The following EEFSEC variants were observed in gnomAD, a reference collection of about 807,000 sequenced individuals.
EEFSEC encodes the protein selenocysteine-specific elongation factor.
Under a neutral mutation model 42.1 loss-of-function variants are expected in EEFSEC, and 43 were observed. The ratio of observed to expected loss-of-function variants is 1.02; its 90% CI spans 0.80 to 1.32. The LOEUF (loss-of-function observed/expected upper bound fraction) is 1.32, where lower values mean the gene tolerates loss of function less well. Among genes scored for constraint, EEFSEC ranks in the 40% most tolerant of loss-of-function variants. EEFSEC has a pLI of 0.00. For missense variants in EEFSEC, 745 were observed against 803.6 expected, an observed-to-expected ratio of 0.93 and a Z score of 0.88; for synonymous variants, 354 against 339.1, an observed-to-expected ratio of 1.04 and a Z score of -0.48.
At chr3:128,224,072 C>A (rs184531245) in intron 1 of EEFSEC, among the ~76,000 whole-genome samples, 2 of 151,682 alleles carry the variant, frequency 1.3e-5, no homozygotes, top group Non-Finnish European at 2.9e-5. Flanking sequence ...TTGTGCAGGT[C>A]TACAGTTTTT....
At chr3:128,369,156 C>T (rs972162831) in intron 6 of EEFSEC, among the ~76,000 whole-genome samples, 4 of 152,164 alleles carry the variant, frequency 2.6e-5, no homozygotes, top group African/African-American at 9.7e-5. Flanking sequence ...CCCTGAAGTT[C>T]CCAATGGAAG....
intron 1 of EEFSEC, among the ~76,000 whole-genome samples, chr3:128,238,548 C>G (rs1491001814): frequency 6.6e-6 from 1 of 152,160 alleles, no homozygotes; most frequent in African/African-American, 2.4e-5. Context: ...TGCTCTGTCG[C>G]CCAGGCCAGA....
Position 128,388,451 on chromosome 3 carries a change from C to T in EEFSEC, c.1601-19618C>T, listed in dbSNP as rs547434057. Among the ~76,000 whole-genome samples, 175 of 152,354 alleles carry T rather than the reference C, an allele frequency of 1.1e-3. 3 individuals are homozygous for T. Among genetic ancestry groups the T allele is most frequent in the Non-Finnish European group, 8.7e-4 (59 of 68,030 alleles). On this transcript the variant is annotated intron_variant, in intron 6 of 6. Transcript: ENST00000254730. ...GCCATGAGTCCGCAGCCACCAGCAG[C>T]GGGCTTGGCCAGGGTCCACGCTCTG...
At chr3:128,300,034 A>T (rs1475565290) in intron 4 of EEFSEC, among the ~76,000 whole-genome samples, 1 of 152,052 alleles carries the variant, frequency 6.6e-6, no homozygotes, top group Non-Finnish European at 1.5e-5. Flanking sequence ...TTTCTTCCCC[A>T]GGTGATGTTC....
At chr3:128,322,589 G>T (rs1211436767) in intron 4 of EEFSEC, among the ~76,000 whole-genome samples, 1 of 152,224 alleles carries the variant, frequency 6.6e-6, no homozygotes, top group East Asian at 1.9e-4. Flanking sequence ...GCCCACCTTA[G>T]CCCAAAGTCC....
downstream of EEFSEC, among the ~76,000 whole-genome samples, chr3:128,411,713 C>G (rs186511869): frequency 1.6e-3 from 244 of 152,366 alleles, 1 homozygote; most frequent in Non-Finnish European, 6.3e-4. Flanking sequence ...TAAGGCTTAT[C>G]TGGAAATGTC....
chr3:128,408,129 CTGGCCG>C lies in EEFSEC; in HGVS notation c.1665_1670del (p.Arg556_Gly557del), dbSNP rs2068141766. On this transcript the variant is annotated inframe_deletion, in exon 7 of 7. Transcript: ENST00000254730. ...CCCGCCCTCAAGAAGCGGGCCCGGG[CTGGCCG>C]TGGGGAGGCCACCAGGCAGGAGGAG... 2 of 1,610,620 alleles carry C rather than the reference CTGGCCG, an allele frequency of 1.2e-6. No homozygotes were observed. Among genetic ancestry groups the C allele is most frequent in the African/African-American group, 2.7e-5 (2 of 74,914 alleles).
At chr3:128,403,914 G>A (rs1026643793) in intron 6 of EEFSEC, among the ~76,000 whole-genome samples, 7 of 152,240 alleles carry the variant, frequency 4.6e-5, no homozygotes, top group Non-Finnish European at 1.0e-4. Flanking sequence ...CTTGTTCACT[G>A]TCTGTGCCTT....
intron 1 of EEFSEC, among the ~76,000 whole-genome samples, chr3:128,165,429 G>C (rs1172454538): frequency 6.6e-6 from 1 of 152,132 alleles, no homozygotes. Context: ...TTTGTTAATT[G>C]GGTCTTTTAT....
chr3:128,233,300 G>C (rs2065977094), intron 1 of EEFSEC, among the ~76,000 whole-genome samples: 1 of 152,224 alleles, frequency 6.6e-6, no homozygotes, highest in Admixed American at 6.5e-5. Context: ...GTCATGTAAA[G>C]TTGTTTTTAA....
intron 1 of EEFSEC, among the ~76,000 whole-genome samples, chr3:128,181,768 G>A (rs2065408257): frequency 6.6e-6 from 1 of 152,170 alleles, no homozygotes; most frequent in African/African-American, 2.4e-5. Context: ...CAGGGTTAAT[G>A]TTGTCAAGCC....
intron 2 of EEFSEC, among the ~76,000 whole-genome samples, chr3:128,249,452 A>G (rs1440884743): frequency 2.0e-5 from 3 of 151,984 alleles, no homozygotes; most frequent in African/African-American, 4.8e-5. Context: ...AATGTTTATC[A>G]TTTTAGCCAC....
At chr3:128,358,415 G>A (rs959859674) in intron 6 of EEFSEC, 42 bp downstream of exon 6, 7 of 1,604,820 alleles carry the variant, frequency 4.4e-6, no homozygotes, top group Non-Finnish European at 6.0e-6. Context: ...ACACCGTGCA[G>A]GGCACAGAGA....
At chr3:128,199,650 G>C (rs2065622392) in intron 1 of EEFSEC, among the ~76,000 whole-genome samples, 1 of 152,192 alleles carries the variant, frequency 6.6e-6, no homozygotes, top group Non-Finnish European at 1.5e-5. Flanking sequence ...CTTAGAATTG[G>C]AAATTGTTGG....
At chr3:128,304,760 A>T (rs907840334) in intron 4 of EEFSEC, among the ~76,000 whole-genome samples, 1 of 151,702 alleles carries the variant, frequency 6.6e-6, no homozygotes, top group Non-Finnish European at 1.5e-5. Context: ...CTGGAATGCA[A>T]TGGTGCGTTC....
chr3:128,258,291 G>A (rs1460371011), intron 2 of EEFSEC, among the ~76,000 whole-genome samples: 5 of 152,262 alleles, frequency 3.3e-5, no homozygotes, highest in South Asian at 4.2e-4. Context: ...AGTGTCCCTG[G>A]GGAGTGGATG....
intron 2 of EEFSEC, among the ~76,000 whole-genome samples, chr3:128,258,421 G>A (rs1227764351): frequency 2.0e-5 from 3 of 152,082 alleles, no homozygotes; most frequent in East Asian, 3.8e-4. Flanking sequence ...CTTCACCTGC[G>A]ACCCTTTAGC....
chr3:128,206,936 G>A lies in EEFSEC; in HGVS notation c.317-39900G>A, dbSNP rs549135600. Among the ~76,000 whole-genome samples the A allele has an allele frequency of 2.3e-3, 357 of 152,252 alleles. 2 individuals carry two copies. Among genetic ancestry groups the A allele is most frequent in the African/African-American group, 8.1e-3 (338 of 41,542 alleles). ...GCAGTGGGTGGACAGCCAGGAGTCC[G>A]CACCAAACACAGGCTCACTCTCCAG... On this transcript the variant is annotated intron_variant, in intron 1 of 6. Coordinates refer to ENST00000254730, the MANE Select transcript of EEFSEC (RefSeq NM_021937.5).
the EEFSEC span, among the ~76,000 whole-genome samples, chr3:128,413,932 G>A: frequency 5.3e-5 from 8 of 152,348 alleles, no homozygotes; most frequent in Admixed American, 2.0e-4. Context: ...CAGAGGCAAC[G>A]GAGCTGTGGC....
Sources: gnomAD v4.1 joint callset for allele counts (sites outside exome capture counted in the v4.1 genomes callset) on GRCh38, gnomAD v4.1.1 for gene constraint, MANE v1.5 for transcripts, NCBI Gene and HGNC (gene_info 2026-07-23, HGNC 2026-07-21) for gene names.